The following AVEN variants were observed in gnomAD, a reference collection of about 807,000 sequenced individuals.
AVEN encodes the protein apoptosis and caspase activation inhibitor.
A neutral mutation model predicts 38.1 loss-of-function variants in AVEN; 41 were observed. The observed-to-expected ratio is 1.08, with a 90% confidence interval of 0.84 to 1.40. The LOEUF (loss-of-function observed/expected upper bound fraction) is 1.40. Ranked by LOEUF, AVEN falls within the 40% of genes most tolerant of loss-of-function variation. AVEN has a pLI of 0.00. For missense variants in AVEN, 605 were observed against 438.8 expected, an observed-to-expected ratio of 1.38 and a Z score of -3.38; for synonymous variants, 206 against 171.8, an observed-to-expected ratio of 1.20 and a Z score of -1.56.
intron 2 of AVEN, among the ~76,000 whole-genome samples, chr15:33,945,165 G>C (rs1456877211): frequency 1.3e-5 from 2 of 152,258 alleles, no homozygotes; most frequent in Non-Finnish European, 1.5e-5. Flanking sequence ...TGTCAATCTT[G>C]TCATAGATCC....
At chr15:33,887,039 T>C (rs1488282952) in intron 2 of AVEN, among the ~76,000 whole-genome samples, 1 of 152,224 alleles carries the variant, frequency 6.6e-6, no homozygotes, top group African/African-American at 2.4e-5. Flanking sequence ...ACATTTGCAC[T>C]CATTTCTCTT....
At chr15:33,855,441 T>G (rs1327373747), downstream of AVEN, among the ~76,000 whole-genome samples, 1 of 152,226 alleles carries the variant, frequency 6.6e-6, no homozygotes, top group African/African-American at 2.4e-5. Flanking sequence ...TGATCTCAGG[T>G]GATCCACCCG....
At chr15:33,926,987 A>G (rs1893631408) in intron 2 of AVEN, among the ~76,000 whole-genome samples, 1 of 152,078 alleles carries the variant, frequency 6.6e-6, no homozygotes, top group Admixed American at 6.5e-5. Context: ...TAAAAAGAAA[A>G]TAATAGCCTG....
chr15:33,943,239 T>C (rs1894381868), intron 2 of AVEN, among the ~76,000 whole-genome samples: 2 of 152,178 alleles, frequency 1.3e-5, no homozygotes. Flanking sequence ...AAACAAAATG[T>C]GGTATATATA....
At chr15:34,054,068 G>A (rs761589708) in intron 5 of AVEN, among the ~76,000 whole-genome samples, 4 of 151,608 alleles carry the variant, frequency 2.6e-5, no homozygotes, top group South Asian at 2.1e-4. Flanking sequence ...GCCAAAAAAC[G>A]TGAAAAAAAA....
In AVEN at chr15:34,020,267, C is replaced by T. The variant is rs189776495; in HGVS notation, c.268-17058G>A. ...CGGAGCTTGCAGTTAGCTGAGATCA[C>T]ACCACTGCACTCTAGCCTGGGTGAC... On this transcript the variant is annotated intron_variant, in intron 1 of 5. Transcript: ENST00000306730. Among the ~76,000 whole-genome samples the T allele has an allele frequency of 3.5e-3, 532 of 151,592 alleles. 4 individuals carry two copies. The highest frequency in any genetic ancestry group is 0.012 in the African/African-American group (499 of 41,318).
intron 2 of AVEN, among the ~76,000 whole-genome samples, chr15:33,930,572 C>T (rs375137375): frequency 6.6e-5 from 10 of 152,212 alleles, no homozygotes; most frequent in East Asian, 5.8e-4. Flanking sequence ...TACTTTCTTA[C>T]GAAATCTAAA....
intron 2 of AVEN, among the ~76,000 whole-genome samples, chr15:33,881,427 C>T (rs1172946880): frequency 1.3e-5 from 2 of 152,104 alleles, no homozygotes; most frequent in African/African-American, 4.8e-5. Context: ...AGGTCTCACT[C>T]TGTCACCCAG....
intron 5 of AVEN, among the ~76,000 whole-genome samples, chr15:34,045,201 C>A (rs185506455): frequency 6.6e-6 from 1 of 152,264 alleles, no homozygotes; most frequent in Non-Finnish European, 1.5e-5. Flanking sequence ...CAAGGACTAT[C>A]GTATATCTCT....
At chr15:34,015,411 G>C (rs970365778) in intron 1 of AVEN, among the ~76,000 whole-genome samples, 3 of 152,088 alleles carry the variant, frequency 2.0e-5, no homozygotes, top group African/African-American at 7.2e-5. Context: ...GAACCCGGGA[G>C]GCGGAGCTTG....
intron 2 of AVEN, among the ~76,000 whole-genome samples, chr15:33,986,909 G>A (rs994987638): frequency 6.6e-5 from 10 of 152,032 alleles, no homozygotes; most frequent in Admixed American, 2.0e-4. Context: ...CGCCCACCTC[G>A]GCCTCCCAAA....
At chr15:33,965,680 G>A (rs1362097024) in intron 2 of AVEN, among the ~76,000 whole-genome samples, 1 of 152,046 alleles carries the variant, frequency 6.6e-6, no homozygotes, top group Non-Finnish European at 1.5e-5. Flanking sequence ...GTTGTAAAAA[G>A]GGAGATGAGA....
rs1315393504 is a variant in AVEN, at chr15:34,038,798, G to A, written c.249C>T (p.Gly83=). ...RGSRREPGGW[G]AGASAPVEDD... Reference sequence around the variant, plus strand: ...CTCTTACCGGCGCGCTGGCCCCTGCGCCCCAGCCTCCCGGCTCCCGGCGGC... The same window carrying A: ...CTCTTACCGGCGCGCTGGCCCCTGCACCCCAGCCTCCCGGCTCCCGGCGGC... The change falls in exon 1 of 6, where the codon GGC becomes GGT. Residue 83 remains glycine (G), a synonymous_variant. Coordinates refer to ENST00000306730, the MANE Select transcript of AVEN (RefSeq NM_020371.3). The A allele has an allele frequency of 2.1e-5, 25 of 1,191,006 alleles. No homozygotes were observed. The African/African-American group carries it at 2.4e-4, about 12-fold the overall frequency. 73.8% of individuals were successfully genotyped at this position (1,191,006 alleles called of 1,614,324 possible).
chr15:33,882,248 A>G (rs7170693), intron 2 of AVEN, among the ~76,000 whole-genome samples: 10,848 of 152,272 alleles, frequency 0.071, 529 homozygotes, highest in South Asian at 0.14. Context: ...CCAAAATATT[A>G]GGCCTACAAA....
At chr15:33,968,729 T>C (rs1171212826) in intron 2 of AVEN, 1 of 152,120 alleles carries the variant, frequency 6.6e-6, no homozygotes, top group East Asian at 1.9e-4. Flanking sequence ...CCAGATAATG[T>C]TTTTTAAAGC....
intron 2 of AVEN, among the ~76,000 whole-genome samples, chr15:33,954,587 G>A (rs926261806): frequency 6.7e-6 from 1 of 148,594 alleles, no homozygotes; most frequent in African/African-American, 2.5e-5. Flanking sequence ...TCACTCATAG[G>A]AGGGAATTGA....
At chr15:33,942,857 T>C (rs1470106120) in intron 2 of AVEN, among the ~76,000 whole-genome samples, 1 of 152,240 alleles carries the variant, frequency 6.6e-6, no homozygotes, top group Non-Finnish European at 1.5e-5. Context: ...TTCCTTTCAT[T>C]AGAGGATCTG....
intron 2 of AVEN, among the ~76,000 whole-genome samples, chr15:33,876,884 A>G (rs1242183190): frequency 6.6e-6 from 1 of 152,212 alleles, no homozygotes; most frequent in Non-Finnish European, 1.5e-5. Flanking sequence ...AGCAAGCAGA[A>G]ATTAACCACA....
chr15:33,855,078 G>C (rs2079508412), downstream of AVEN: 2 of 569,354 alleles, frequency 3.5e-6, no homozygotes, highest in Non-Finnish European at 5.4e-6. Flanking sequence ...CAAAATTGTA[G>C]CCAATTAAAA....
Sources: allele counts gnomAD v4.1 joint callset (sites outside exome capture counted in the v4.1 genomes callset), GRCh38; gene constraint gnomAD v4.1.1; transcripts MANE v1.5; gene names NCBI Gene and HGNC (gene_info 2026-07-23, HGNC 2026-07-21).